The following N4BP2L2 variants were observed in gnomAD, a reference collection of about 807,000 sequenced individuals.
The protein encoded by N4BP2L2 is NEDD4-binding protein 2-like 2.
Under a neutral mutation model 56.2 loss-of-function variants are expected in N4BP2L2, and 50 were observed. The observed-to-expected ratio is 0.89, with a 90% CI of 0.71 to 1.13. The LOEUF (loss-of-function observed/expected upper bound fraction) is 1.13, where lower values mean the gene tolerates loss of function less well. N4BP2L2 is among the 50% of genes most tolerant of loss of function. The probability of loss-of-function intolerance (pLI) is 0.00; values close to 1 mark genes in which losing one functional copy is unlikely to be tolerated. For synonymous variants in N4BP2L2, 203 were observed against 223.6 expected, an observed-to-expected ratio of 0.91 and a Z score of 0.82; for missense variants, 689 against 693.8, an observed-to-expected ratio of 0.99 and a Z score of 0.08.
intron 6 of N4BP2L2, among the ~76,000 whole-genome samples, chr13:32,461,959 A>C (rs1438921296): frequency 6.6e-6 from 1 of 152,246 alleles, no homozygotes; most frequent in African/African-American, 2.4e-5. Flanking sequence ...TGGGGAGGAT[A>C]TGGAGAAAAA....
exon 7 of N4BP2L2, chr13:32,443,517 T>C (rs1400212147): frequency 6.2e-7 from 1 of 1,611,384 alleles, no homozygotes; most frequent in Non-Finnish European, 8.5e-7. Flanking sequence ...TGATTCCATG[T>C]TGATGGCACA....
intron 6 of N4BP2L2, chr13:32,477,951 C>T: frequency 7.8e-7 from 1 of 1,289,402 alleles, no homozygotes; most frequent in Non-Finnish European, 1.0e-6. Flanking sequence ...TCTTGCTGCT[C>T]TTGGTCATGT....
intron 6 of N4BP2L2, among the ~76,000 whole-genome samples, chr13:32,448,466 A>G (rs2077366993): frequency 6.6e-6 from 1 of 152,188 alleles, no homozygotes; most frequent in Non-Finnish European, 1.5e-5. Context: ...AAAGAAGAAA[A>G]TAAGAAATGA....
intron 9 of N4BP2L2, among the ~76,000 whole-genome samples, chr13:32,435,316 C>A (rs985037605): frequency 6.6e-6 from 1 of 152,152 alleles, no homozygotes; most frequent in South Asian, 2.1e-4. Flanking sequence ...TCACCACAAC[C>A]TCTGCCTCCC....
At chr13:32,446,317 G>T in intron 6 of N4BP2L2, 1 of 1,296,596 alleles carries the variant, frequency 7.7e-7, no homozygotes, top group Non-Finnish European at 1.0e-6. Context: ...TGAGTAAAGA[G>T]TGCTATCTGT....
At chr13:32,458,758 TAA>T (rs1449687145) in intron 6 of N4BP2L2, among the ~76,000 whole-genome samples, 1 of 152,098 alleles carries the variant, frequency 6.6e-6, no homozygotes, top group Non-Finnish European at 1.5e-5. Flanking sequence ...ACAAAAAACA[TAA>T]GATTTAAACT....
At chr13:32,499,676 C>T (rs1347525166) in intron 6 of N4BP2L2, among the ~76,000 whole-genome samples, 1 of 152,198 alleles carries the variant, frequency 6.6e-6, no homozygotes, top group Non-Finnish European at 1.5e-5. Flanking sequence ...GCACACACAA[C>T]CTGGGCATAA....
At position 32,480,557 on chromosome 13, in the gene N4BP2L2, C is replaced by A. The variant is rs573520746; in HGVS notation, c.366-36431G>T. 4.9e-4 allele frequency: 565 copies of A among 1,146,318 alleles called. 1 individual carries two copies. The African/African-American group carries it at 7.6e-3, about 15-fold the overall frequency. The allele number at this position is 1,146,318 out of a possible 1,614,324, so 71.0% of individuals were successfully genotyped here. ...AATCTTAGAAAATCAGACGCTAGAT[C>A]CATTATATCATTACTTGGAGTTTCC... On this transcript the variant is annotated intron_variant, in intron 6 of 9. Coordinates refer to the N4BP2L2 transcript ENST00000357505.
In N4BP2L2 at chr13:32,514,342, C is replaced by T. The variant is rs572101922; in HGVS notation, c.*3460G>A. 205 of 152,274 alleles carry T rather than the reference C, an allele frequency of 1.3e-3. 1 individual carries two copies. Among genetic ancestry groups the T allele is most frequent in the African/African-American group, 4.5e-3 (186 of 41,568 alleles). The allele number at this position is 152,274 out of a possible 1,614,324, so 9.4% of individuals were successfully genotyped here. A position where few individuals can be genotyped will look rare whatever the true frequency, so the allele number is the denominator to read the frequency against. On this transcript the variant is annotated 3_prime_UTR_variant, in exon 6 of 6. Transcript: ENST00000267068. ...TTCATTTACCACAAAAAAGTAACTT[C>T]TGCACTAAACCTATGGAACAAACAA...
chr13:32,501,431 CTT>C (rs34152087), intron 6 of N4BP2L2, among the ~76,000 whole-genome samples: 1 of 149,882 alleles, frequency 6.7e-6, no homozygotes, highest in Non-Finnish European at 1.5e-5. Flanking sequence ...AAATAAAAAC[CTT>C]TTTTTTTTCT....
intron 3 of N4BP2L2, chr13:32,525,216 T>C (rs769723554): frequency 5.3e-5 from 8 of 152,158 alleles, no homozygotes; most frequent in Non-Finnish European, 1.0e-4. Context: ...ATTTGCAGAA[T>C]TGCAATACCA....
chr13:32,519,736 T>TA (rs200092115), intron 5 of N4BP2L2, among the ~76,000 whole-genome samples: 254 of 151,278 alleles, frequency 1.7e-3, no homozygotes, highest in African/African-American at 5.8e-3. Context: ...TTTTTTAATT[T>TA]AAAAAAAAAG....
exon 6 of N4BP2L2, chr13:32,516,150 T>A (rs1460434141): frequency 6.6e-6 from 1 of 152,196 alleles, no homozygotes; most frequent in Non-Finnish European, 1.5e-5. Flanking sequence ...GAAATCCTTT[T>A]GTACAATTTT....
intron 6 of N4BP2L2, among the ~76,000 whole-genome samples, chr13:32,500,544 T>TGCAAAAA (rs201197139): frequency 1.4e-5 from 1 of 71,520 alleles, no homozygotes; most frequent in African/African-American, 5.9e-5. Context: ...ATCCTGTCTC[T>TGCAAAAA]ACAAAAAAAA....
At chr13:32,507,241 T>C (rs913245262), downstream of N4BP2L2, 2 of 152,110 alleles carry the variant, frequency 1.3e-5, no homozygotes, top group African/African-American at 4.8e-5. Context: ...TTTAAAGAGA[T>C]CACAGGTTCA....
exon 7 of N4BP2L2, chr13:32,442,882 T>A (rs778124502): frequency 6.2e-7 from 1 of 1,613,148 alleles, no homozygotes; most frequent in South Asian, 1.1e-5. Flanking sequence ...TGGATGATGA[T>A]CAAAGGTCAT....
chr13:32,452,063 CTTTT>C (rs755677854), intron 6 of N4BP2L2, among the ~76,000 whole-genome samples: 46 of 60,700 alleles, frequency 7.6e-4, no homozygotes, highest in African/African-American at 1.6e-3. Flanking sequence ...TTTTCTTTTT[CTTTT>C]TTTTTTTTTT....
intron 8 of N4BP2L2, chr13:32,438,621 T>C: frequency 6.7e-7 from 1 of 1,493,636 alleles, no homozygotes; most frequent in Non-Finnish European, 9.2e-7. Flanking sequence ...ACAACAAAAA[T>C]ACATACACAC....
intron 6 of N4BP2L2, among the ~76,000 whole-genome samples, chr13:32,502,354 GGT>G (rs1463209624): frequency 6.6e-6 from 1 of 152,094 alleles, no homozygotes; most frequent in Non-Finnish European, 1.5e-5. Flanking sequence ...TGGGATTACA[GGT>G]GTGAGCCCAG....
Sources: allele counts gnomAD v4.1 joint callset (sites outside exome capture counted in the v4.1 genomes callset), GRCh38; gene constraint gnomAD v4.1.1; transcripts MANE v1.5; gene names NCBI Gene and HGNC (gene_info 2026-07-23, HGNC 2026-07-21).